PRKN: variants seen among roughly 807,000 people sequenced by gnomAD.
The protein encoded by PRKN is E3 ubiquitin-protein ligase parkin.
PRKN carries 56 observed loss-of-function variants against 59.5 expected under a neutral mutation model. The ratio of observed to expected loss-of-function variants is 0.94; its 90% CI spans 0.76 to 1.18. The LOEUF (loss-of-function observed/expected upper bound fraction) is 1.18, where lower values mean the gene tolerates loss of function less well. PRKN is among the 50% of genes most tolerant of loss of function. PRKN has a pLI of 0.00. For missense variants in PRKN, 657 were observed against 596.4 expected (o/e 1.10, Z -1.06); for synonymous variants, 250 against 222.1 (o/e 1.13, Z -1.12).
intron 2 of PRKN, among the ~76,000 whole-genome samples, chr6:162,323,389 TAA>T (rs1366500023): frequency 2.6e-5 from 4 of 151,682 alleles, no homozygotes; most frequent in East Asian, 3.9e-4. Flanking sequence ...TAAAAATCTA[TAA>T]AAGACTTCAT....
intron 7 of PRKN, among the ~76,000 whole-genome samples, chr6:161,643,639 A>G (rs1047098522): frequency 1.3e-5 from 2 of 152,202 alleles, no homozygotes; most frequent in Non-Finnish European, 2.9e-5. Flanking sequence ...CTATCTCTCA[A>G]TAGCTAAGAT....
intron 2 of PRKN, among the ~76,000 whole-genome samples, chr6:162,424,572 A>G (rs1789132234): frequency 6.6e-6 from 1 of 151,910 alleles, no homozygotes; most frequent in Admixed American, 6.6e-5. Flanking sequence ...CGTCTCTACT[A>G]AAAATACAAA....
chr6:162,624,287 C>G (rs1782797254), intron 1 of PRKN: 1 of 151,358 alleles, frequency 6.6e-6, no homozygotes, highest in African/African-American at 2.4e-5. Flanking sequence ...CTGAAATCTA[C>G]TCTTCTGTTA....
chr6:161,943,987 G>A lies in PRKN; in HGVS notation c.734+29315C>T, dbSNP rs889714646. Reference sequence around the variant, plus strand: ...AGGAAGCAGCCTGAGGAAGCAGCCTGAGGAAGGAGCCTGAGGAAGCAGCCT... The same window carrying A: ...AGGAAGCAGCCTGAGGAAGCAGCCTAAGGAAGGAGCCTGAGGAAGCAGCCT... On this transcript the variant is annotated intron_variant, in intron 6 of 11. Coordinates refer to ENST00000366898, the MANE Select transcript of PRKN (RefSeq NM_004562.3). Among the ~76,000 whole-genome samples, 7 of 122,302 alleles carry A rather than the reference G, an allele frequency of 5.7e-5. No individual in the cohort carries two copies. In the East Asian group the frequency reaches 2.0e-3, roughly 35 times the overall value. 80.2% of individuals were successfully genotyped at this position (122,302 alleles called of 152,430 possible).
chr6:162,226,281 G>A (rs1433217933), intron 3 of PRKN, among the ~76,000 whole-genome samples: 1 of 151,994 alleles, frequency 6.6e-6, no homozygotes, highest in Admixed American at 6.6e-5. Context: ...CAGAGAGAGA[G>A]AGAGAGACAC....
At chr6:162,491,845 C>T (rs1457264381) in intron 1 of PRKN, among the ~76,000 whole-genome samples, 1 of 152,202 alleles carries the variant, frequency 6.6e-6, no homozygotes. Flanking sequence ...TAGAACACTC[C>T]TGAGCAAAAG....
chr6:162,593,210 A>C (rs575834320), intron 1 of PRKN, among the ~76,000 whole-genome samples: 3 of 152,234 alleles, frequency 2.0e-5, no homozygotes, highest in Non-Finnish European at 4.4e-5. Context: ...AGGCAAGTAC[A>C]ATCAGCAAAG....
intron 6 of PRKN, among the ~76,000 whole-genome samples, chr6:161,805,708 C>A (rs905929832): frequency 6.6e-6 from 1 of 152,188 alleles, no homozygotes; most frequent in Non-Finnish European, 1.5e-5. Flanking sequence ...TTTTCTAGAA[C>A]ACAGGAGAAT....
chr6:161,666,347 T>C (rs1784725622), intron 7 of PRKN, among the ~76,000 whole-genome samples: 1 of 152,226 alleles, frequency 6.6e-6, no homozygotes, highest in African/African-American at 2.4e-5. Context: ...GAACTACACA[T>C]GCATGGGATG....
intron 2 of PRKN, among the ~76,000 whole-genome samples, chr6:162,347,204 T>TG (rs1434178348): frequency 1.3e-5 from 2 of 151,708 alleles, no homozygotes; most frequent in Non-Finnish European, 2.9e-5. Context: ...TTCTGACATC[T>TG]TATGTTGGAT....
At chr6:161,370,886 C>A (rs1438367285) in intron 10 of PRKN, among the ~76,000 whole-genome samples, 1 of 152,202 alleles carries the variant, frequency 6.6e-6, no homozygotes, top group Non-Finnish European at 1.5e-5. Context: ...TTCTCATCAA[C>A]GCTCGCCTCT....
chr6:161,360,029 G>T lies in PRKN; in HGVS notation c.1285+59C>A. 8.0e-7 allele frequency: 1 copy of T among 1,250,398 alleles called. No individual in the cohort carries two copies. The highest frequency in any genetic ancestry group is 1.2e-6 in the Non-Finnish European group (1 of 848,164). The allele number at this position is 1,250,398 out of a possible 1,614,324, so 77.5% of individuals were successfully genotyped here. A position where few individuals can be genotyped will look rare whatever the true frequency, so the allele number is the denominator to read the frequency against. On this transcript the variant is annotated intron_variant, in intron 11 of 11. Coordinates refer to ENST00000366898, the MANE Select transcript of PRKN (RefSeq NM_004562.3). The surrounding 1 kb of genome is among the most constrained non-coding windows in gnomAD (Gnocchi z 5.1). ...CCTTTAATCCTGGAATCCCTGATGG[G>T]TATGATTCTCCCCCAAAGAGCACAC...
chr6:162,074,619 T>TA (rs1249917493), intron 4 of PRKN, among the ~76,000 whole-genome samples: 3 of 47,448 alleles, frequency 6.3e-5, no homozygotes, highest in African/African-American at 2.9e-4. Context: ...CCCTAAAACT[T>TA]AAAGTATATA....
intron 1 of PRKN, among the ~76,000 whole-genome samples, chr6:162,583,582 C>A (rs1301826160): frequency 6.6e-6 from 1 of 152,268 alleles, no homozygotes; most frequent in African/African-American, 2.4e-5. Context: ...AACAATTATT[C>A]CTGAGATTGA....
intron 7 of PRKN, among the ~76,000 whole-genome samples, chr6:161,746,957 T>A (rs1273435474): frequency 7.2e-5 from 11 of 151,844 alleles, no homozygotes; most frequent in Non-Finnish European, 1.5e-4. Context: ...TCCACAAATA[T>A]AATTATAATT....
rs116726523 is a variant in PRKN, at chr6:162,261,447, G to T, written c.412+1078C>A. On this transcript the variant is annotated intron_variant, in intron 3 of 11. Coordinates refer to ENST00000366898, the MANE Select transcript of PRKN (RefSeq NM_004562.3). ...TGGAGCATGAGTATTCTCTAGAGGT[G>T]TCAGTGTCAGAATGATCTTATACAT... Among the ~76,000 whole-genome samples, 1,046 of 152,232 alleles carry T rather than the reference G, an allele frequency of 6.9e-3. 12 individuals are homozygous for T. The highest frequency in any genetic ancestry group is 0.024 in the African/African-American group (986 of 41,538).
chr6:162,054,279 T>C (rs976607110), intron 4 of PRKN, 105 bp from the exon 5 acceptor site: 9 of 800,998 alleles, frequency 1.1e-5, no homozygotes, highest in Non-Finnish European at 1.7e-5. Flanking sequence ...AATTAGTGTG[T>C]AGTCCAATGA....
intron 1 of PRKN, among the ~76,000 whole-genome samples, chr6:162,717,552 G>A (rs1778776193): frequency 6.9e-6 from 1 of 145,818 alleles, no homozygotes; most frequent in Admixed American, 7.0e-5. Flanking sequence ...AGTGACAGAG[G>A]GAGATCTTGT....
intron 3 of PRKN, among the ~76,000 whole-genome samples, chr6:162,217,685 C>T (rs1312501212): frequency 2.0e-5 from 3 of 152,242 alleles, no homozygotes; most frequent in East Asian, 1.9e-4. Context: ...AGCCACCATG[C>T]CCAGTTTTAA....
Sources: gnomAD v4.1 joint callset for allele counts (sites outside exome capture counted in the v4.1 genomes callset) on GRCh38, gnomAD v4.1.1 for gene constraint, Gnocchi (gnomAD v3.1) non-coding constraint, MANE v1.5 for transcripts, NCBI Gene and HGNC (gene_info 2026-07-23, HGNC 2026-07-21) for gene names.